The following ST6GAL1 variants were observed in gnomAD, a reference collection of about 807,000 sequenced individuals.
The protein encoded by ST6GAL1 is ST6 beta-galactoside alpha-2,6-sialyltransferase 1.
Under a neutral mutation model 38.0 loss-of-function variants are expected in ST6GAL1, and 20 were observed. That is an observed-to-expected ratio of 0.53 (90% CI 0.37 to 0.77). The LOEUF (loss-of-function observed/expected upper bound fraction) is 0.77. Ranked by LOEUF, ST6GAL1 falls within the 30% of genes least tolerant of loss-of-function variation. ST6GAL1 has a pLI of 0.00. For missense variants in ST6GAL1, 432 were observed against 496.4 expected (o/e 0.87, Z 1.23); for synonymous variants, 196 against 188.2 (o/e 1.04, Z -0.34).
rs543294506 is a variant in ST6GAL1, at chr3:186,952,833, A to T, written c.-324-10952A>T. Among the ~76,000 whole-genome samples, 70 of 152,296 alleles carry T rather than the reference A, an allele frequency of 4.6e-4. 1 individual carries two copies. The highest frequency in any genetic ancestry group is 1.5e-4 in the Non-Finnish European group (10 of 68,020). ...CCTTAGACATCTAATATACATCTCA[A>T]ATATGACAAGCCCAAAATCGAACTG... On this transcript the variant is annotated intron_variant, in intron 1 of 7. Coordinates refer to ENST00000169298, the MANE Select transcript of ST6GAL1 (RefSeq NM_173216.2). The surrounding 1 kb of genome is among the most constrained non-coding windows in gnomAD (Gnocchi z 4.1).
chr3:187,047,946 CT>C (rs35595658), intron 4 of ST6GAL1, among the ~76,000 whole-genome samples: 29,657 of 141,296 alleles, frequency 0.21, 3,876 homozygotes, highest in African/African-American at 0.41. Context: ...CTTTTCCTTT[CT>C]TTTTTTTTTT....
chr3:187,043,081 C>T lies in ST6GAL1; in HGVS notation c.378C>T (p.Tyr126=), dbSNP rs750512363. The T allele has an allele frequency of 5.0e-6, 8 of 1,614,058 alleles. No homozygotes were observed. Among genetic ancestry groups the T allele is most frequent in the South Asian group, 3.3e-5 (3 of 91,084 alleles). The change falls in exon 4 of 8, where the codon TAC becomes TAT. Residue 126 remains tyrosine (Y), a synonymous_variant. Transcript: ENST00000169298. The part of the protein sequence containing the change: ...YLSMNKYKVS[Y]KGPGPGIKFS... ...GCATGAACAAGTACAAAGTGTCCTACAAGGGGCCAGGACCAGGCATCAAGT... is the reference window on the plus strand; with the variant it reads ...GCATGAACAAGTACAAAGTGTCCTATAAGGGGCCAGGACCAGGCATCAAGT...
chr3:186,960,718 A>G lies in ST6GAL1; in HGVS notation c.-324-3067A>G, dbSNP rs531355087. On this transcript the variant is annotated intron_variant, in intron 1 of 7. Transcript: ENST00000169298. ...AGAGTCATCCAACTACACTTTAGCAATCTAGCGTGGTCCTGTCAGTAGATT... is the reference window on the plus strand; with the variant it reads ...AGAGTCATCCAACTACACTTTAGCAGTCTAGCGTGGTCCTGTCAGTAGATT... 5.3e-5 allele frequency among the ~76,000 whole-genome samples: 8 copies of G among 152,034 alleles called. No individual in the cohort carries two copies. In the South Asian group the frequency reaches 1.7e-3, roughly 32 times the overall value.
At chr3:186,949,757 A>G (rs946835634) in intron 1 of ST6GAL1, among the ~76,000 whole-genome samples, 1 of 152,242 alleles carries the variant, frequency 6.6e-6, no homozygotes, top group African/African-American at 2.4e-5. Context: ...TTGGGTTTAA[A>G]TTCCAGATAT....
At chr3:187,035,531 G>A (rs1395909444) in intron 2 of ST6GAL1, among the ~76,000 whole-genome samples, 1 of 152,168 alleles carries the variant, frequency 6.6e-6, no homozygotes, top group Non-Finnish European at 1.5e-5. Flanking sequence ...AACCAAAACA[G>A]CATGGTACTG....
At chr3:187,060,223 C>T (rs1242597571) in intron 5 of ST6GAL1, among the ~76,000 whole-genome samples, 6 of 152,080 alleles carry the variant, frequency 3.9e-5, no homozygotes, top group South Asian at 4.1e-4. Context: ...TGCAGTGGCG[C>T]GATCTCAGCT....
At chr3:186,961,402 G>C (rs1489864150) in intron 1 of ST6GAL1, among the ~76,000 whole-genome samples, 1 of 152,096 alleles carries the variant, frequency 6.6e-6, no homozygotes, top group African/African-American at 2.4e-5. Flanking sequence ...AAGAGTGTCA[G>C]ATTGGCCCAG....
In ST6GAL1 at chr3:187,076,727, T is replaced by C. The variant is rs1719573847; in HGVS notation, c.*924T>C. The stretch of plus-strand genomic sequence containing the variant: ...CTGAGCCGTTTGAATTGTGTTTTTC[T>C]TTCTTCCCATGTTTATTTTCTAAGA... On this transcript the variant is annotated 3_prime_UTR_variant, in exon 8 of 8. Transcript: ENST00000169298. 1 of 398,008 alleles carries C rather than the reference T, an allele frequency of 2.5e-6. No individual in the cohort carries two copies. Among genetic ancestry groups the C allele is most frequent in the Admixed American group, 4.4e-5 (1 of 22,720 alleles). 24.7% of individuals were successfully genotyped at this position (398,008 alleles called of 1,614,324 possible).
intron 5 of ST6GAL1, among the ~76,000 whole-genome samples, chr3:187,065,879 A>G (rs1719093099): frequency 1.3e-5 from 2 of 152,310 alleles, no homozygotes; most frequent in East Asian, 1.9e-4. Flanking sequence ...CCTGTGAGGT[A>G]TGACCACCAA....
At chr3:187,021,742 A>C (rs1443712726) in intron 2 of ST6GAL1, 1 of 56,510 alleles carries the variant, frequency 1.8e-5, no homozygotes, top group Non-Finnish European at 3.9e-5. Flanking sequence ...CTCTGTCTCA[A>C]AAAAAAAAAA....
chr3:187,064,744 A>G (rs1719038794), intron 5 of ST6GAL1: 3 of 389,034 alleles, frequency 7.7e-6, no homozygotes, highest in African/African-American at 4.2e-5. Context: ...GACACTTTCT[A>G]TCATTGCCCT....
chr3:186,959,171 G>T (rs528007175), intron 1 of ST6GAL1, among the ~76,000 whole-genome samples: 4 of 152,268 alleles, frequency 2.6e-5, no homozygotes, highest in Admixed American at 6.5e-5. Context: ...AATGGCAGAA[G>T]AGCTTCCCTT....
intron 2 of ST6GAL1, among the ~76,000 whole-genome samples, chr3:186,965,940 G>A (rs548003590): frequency 1.7e-3 from 257 of 152,156 alleles, no homozygotes; most frequent in Admixed American, 2.7e-3. Context: ...GCTCTGTTGC[G>A]CAGGCTGCAG....
intron 1 of ST6GAL1, among the ~76,000 whole-genome samples, chr3:186,939,209 G>C (rs1400142551): frequency 1.3e-5 from 2 of 152,048 alleles, no homozygotes; most frequent in Non-Finnish European, 2.9e-5. Context: ...GAGTAGCTGG[G>C]ACTACAGGCA....
chr3:187,000,719 T>C (rs1030728277), intron 2 of ST6GAL1, among the ~76,000 whole-genome samples: 6 of 152,366 alleles, frequency 3.9e-5, no homozygotes, highest in African/African-American at 9.6e-5. Context: ...TTCTCAGCAT[T>C]ACATTTGATG....
At position 186,967,225 on chromosome 3, in the gene ST6GAL1, T is replaced by A. The variant is rs1321570772; in HGVS notation, c.-183+3299T>A. On this transcript the variant is annotated intron_variant, in intron 2 of 7. Coordinates refer to ENST00000169298, the MANE Select transcript of ST6GAL1 (RefSeq NM_173216.2). ...GTTTGTTTTTTAGACGGTGTCTTGC[T>A]CTGTTGCCCAGGCTGGAGTGCGGTG... Among the ~76,000 whole-genome samples the A allele has an allele frequency of 3.9e-5, 6 of 152,340 alleles. No individual in the cohort carries two copies. The East Asian group carries it at 1.2e-3, about 29-fold the overall frequency.
intron 2 of ST6GAL1, among the ~76,000 whole-genome samples, chr3:187,002,721 G>C (rs562324232): frequency 2.0e-5 from 3 of 152,088 alleles, no homozygotes; most frequent in Non-Finnish European, 2.9e-5. Flanking sequence ...CAGCAGAAAG[G>C]GTTCTGAAAT....
chr3:187,030,376 A>G lies in ST6GAL1; in HGVS notation c.-182-8366A>G, dbSNP rs148445202. Among the ~76,000 whole-genome samples the G allele has an allele frequency of 1.3e-4, 20 of 152,342 alleles. No individual in the cohort carries two copies. In the East Asian group the frequency reaches 3.9e-3, roughly 29 times the overall value. ...AGGCAACAAGTGTTAGAGGTTCACC[A>G]TCTGAGTCTATGTGGCTCCAGTGAG... On this transcript the variant is annotated intron_variant, in intron 2 of 7. Coordinates refer to ENST00000169298, the MANE Select transcript of ST6GAL1 (RefSeq NM_173216.2).
intron 2 of ST6GAL1, among the ~76,000 whole-genome samples, chr3:186,998,530 G>A (rs781057434): frequency 6.6e-6 from 1 of 152,148 alleles, no homozygotes; most frequent in Non-Finnish European, 1.5e-5. Flanking sequence ...GAAGAGGAGG[G>A]ATTGGGTTTG....
Sources: allele counts gnomAD v4.1 joint callset (sites outside exome capture counted in the v4.1 genomes callset), GRCh38; gene constraint gnomAD v4.1.1; non-coding constraint Gnocchi (gnomAD v3.1); transcripts MANE v1.5; gene names NCBI Gene and HGNC (gene_info 2026-07-23, HGNC 2026-07-21).